The following ZIC5 variants were observed in gnomAD, a reference collection of about 807,000 sequenced individuals.
ZIC5 encodes the protein Zic family zinc finger 5.
In ZIC5, 20 loss-of-function variants were observed where a neutral mutation model predicts 28.5. That is an observed-to-expected ratio of 0.70 (90% CI 0.49 to 1.02). The LOEUF is 1.02. Among genes scored for constraint, ZIC5 ranks in the 50% least tolerant of loss-of-function variants. The probability of loss-of-function intolerance (pLI) is 0.00; values close to 1 mark genes in which losing one functional copy is unlikely to be tolerated. For synonymous variants in ZIC5, 488 were observed against 410.4 expected (o/e 1.19, Z -2.29); for missense variants, 951 against 899.7 (o/e 1.06, Z -0.73).
chr13:99,970,519 C>G lies in ZIC5; in HGVS notation c.1085G>C (p.Arg362Pro). Residue 362 changes from arginine (R) to proline (P), a missense_variant, in exon 1 of 2, where the codon CGC becomes CCC. By Grantham distance (103) the Arg-to-Pro change is moderately radical. Around this residue, in one of 3 missense-constraint regions of ZIC5, gnomAD observed 784 missense variants for 660.1 expected, o/e 1.19. Coordinates refer to ENST00000267294, the MANE Select transcript of ZIC5 (RefSeq NM_033132.5). ...CTGCTTGATTGGCTGCCGCATGTAG[C>G]GCAGGAAGGCCCCAGCCGCCCCTGG... ...HLPGAAGAFL[R>P]YMRQPIKQEL... The G allele has an allele frequency of 8.9e-7, 1 of 1,124,710 alleles. No homozygotes were observed. Among genetic ancestry groups the G allele is most frequent in the Non-Finnish European group, 1.1e-6 (1 of 911,714 alleles). 69.7% of individuals were successfully genotyped at this position (1,124,710 alleles called of 1,614,324 possible).
rs750836853 is a variant in ZIC5 at position 99,971,621 on chromosome 13, G to GC, written c.-19dup. 4.6e-5 allele frequency: 71 copies of GC among 1,560,320 alleles called. No individual in the cohort carries two copies. In the African/African-American group the frequency reaches 8.1e-4, roughly 18 times the overall value. ...GGCTCCATCAGAACTACACAATCAGGCCCATAGACCCTCACTGGGGGGACT... is the reference window on the plus strand; with the variant it reads ...GGCTCCATCAGAACTACACAATCAGGCCCCATAGACCCTCACTGGGGGGACT... On this transcript the variant is annotated 5_prime_UTR_variant, in exon 1 of 2. The change creates a premature stop within an existing upstream ORF in the 5' untranslated region. Coordinates refer to ENST00000267294, the MANE Select transcript of ZIC5 (RefSeq NM_033132.5).
Position 99,963,756 on chromosome 13 carries a change from G to T in ZIC5, c.*1621C>A, listed in dbSNP as rs1181619877. 7.5e-6 allele frequency: 1 copy of T among 133,582 alleles called. No homozygotes were observed. 8.3% of individuals were successfully genotyped at this position (133,582 alleles called of 1,614,324 possible). A position where few individuals can be genotyped will look rare whatever the true frequency, so the allele number is the denominator to read the frequency against. ...TTTGGTGTGCTTTGAACTCTTCCAG[G>T]AAAGAAAAAAAAAAAGGATGATGTC... On this transcript the variant is annotated 3_prime_UTR_variant, in exon 2 of 2. Transcript: ENST00000267294.
Position 99,965,446 on chromosome 13 carries a change from G to A in ZIC5, c.1851C>T (p.Asn617=), listed in dbSNP as rs764248704. The A allele has an allele frequency of 2.4e-5, 39 of 1,614,006 alleles. 1 individual carries two copies. The highest frequency in any genetic ancestry group is 1.2e-4 in the South Asian group (11 of 91,082). The change falls in exon 2 of 2, where the codon AAC becomes AAT. Residue 617 remains asparagine (N), a synonymous_variant. Transcript: ENST00000267294. ...APSHLHTPSS[N]GTTSETEDEE... ...CATCTTCAGTCTCAGAGGTGGTTCC[G>A]TTGCTGGAAGGGGTGTGGAGGTGGC...
chr13:99,966,019 G>A (rs748543302), intron 1 of ZIC5, among the ~76,000 whole-genome samples, 200 bp from the exon 2 acceptor site: 1 of 152,172 alleles, frequency 6.6e-6, no homozygotes, highest in Non-Finnish European at 1.5e-5. Flanking sequence ...GCTTTGCCTG[G>A]ACCTGGGCTC....
At position 99,971,181 on chromosome 13, in the gene ZIC5, G is replaced by C. The variant is rs769954251; in HGVS notation, c.423C>G (p.Pro141=). 2 of 1,342,446 alleles carry C rather than the reference G, an allele frequency of 1.5e-6. No individual in the cohort carries two copies. Among genetic ancestry groups the C allele is most frequent in the Non-Finnish European group, 1.9e-6 (2 of 1,051,814 alleles). 83.2% of individuals were successfully genotyped at this position (1,342,446 alleles called of 1,614,324 possible). ...PPLPPTPSPP[P]PPPPPPPPAL... The stretch of plus-strand genomic sequence containing the variant: ...CAGGAGGAGGAGGAGGCGGGGGAGG[G>C]GGAGGGGGTGAAGGGGTGGGAGGAA... Residue 141 remains proline (P), a synonymous_variant, in exon 1 of 2, where the codon CCC becomes CCG. Transcript: ENST00000267294.
Position 99,963,549 on chromosome 13 carries a change from A to T in ZIC5, c.*1828T>A, listed in dbSNP as rs1342200406. ...TGTACTAGTAATATAATATATCTAT[A>T]AACTATATATAATCTTATCAACACA... On this transcript the variant is annotated 3_prime_UTR_variant, in exon 2 of 2. Transcript: ENST00000267294. 1 of 152,562 alleles carries T rather than the reference A, an allele frequency of 6.6e-6. No individual in the cohort carries two copies. The highest frequency in any genetic ancestry group is 2.4e-5 in the African/African-American group (1 of 41,434). The allele number at this position is 152,562 out of a possible 1,614,324, so 9.5% of individuals were successfully genotyped here. A position where few individuals can be genotyped will look rare whatever the true frequency, so the allele number is the denominator to read the frequency against.
chr13:99,970,020 GA>G (rs1228926217), intron 1 of ZIC5, 106 bp downstream of exon 1: 3 of 1,540,230 alleles, frequency 1.9e-6, no homozygotes, highest in Non-Finnish European at 1.8e-6. Context: ...AGCAGAAGGA[GA>G]AAAAAATTAA....
chr13:99,970,728 A>G lies in ZIC5; in HGVS notation c.876T>C (p.Val292=). 1 of 1,197,676 alleles carries G rather than the reference A, an allele frequency of 8.3e-7. No homozygotes were observed. The highest frequency in any genetic ancestry group is 1.0e-6 in the Non-Finnish European group (1 of 963,006). The allele number at this position is 1,197,676 out of a possible 1,614,324, so 74.2% of individuals were successfully genotyped here. ...PRSGDAHYGA[V]AAAAAAALHG... is the part of the protein sequence containing the mutation. ...GCAGGGCGGCCGCCGCTGCGGCCGCAACCGCCCCGTAGTGCGCGTCCCCAG... is the reference window on the plus strand; with the variant it reads ...GCAGGGCGGCCGCCGCTGCGGCCGCGACCGCCCCGTAGTGCGCGTCCCCAG... Residue 292 remains valine (V), a synonymous_variant, in exon 1 of 2, where the codon GTT becomes GTC. Transcript: ENST00000267294.
chr13:99,965,903 G>T, intron 1 of ZIC5, 84 bp from the exon 2 acceptor site: 1 of 1,417,958 alleles, frequency 7.1e-7, no homozygotes, highest in Non-Finnish European at 9.5e-7. Context: ...CCAAGGTTGT[G>T]TTTTTCCTAT....
Position 99,970,308 on chromosome 13 carries a change from G to A in ZIC5, c.1296C>T (p.Ser432=), listed in dbSNP as rs765819809. 6 of 1,613,522 alleles carry A rather than the reference G, an allele frequency of 3.7e-6. No individual in the cohort carries two copies. Among genetic ancestry groups the A allele is most frequent in the Non-Finnish European group, 5.1e-6 (6 of 1,179,758 alleles). Residue 432 remains serine (S), a synonymous_variant, in exon 1 of 2, where the codon AGC becomes AGT. Transcript: ENST00000267294. ...TVEHVGGPEQ[S]SHVCFWEDCP... ...AGTCCTCCCAGAAGCAGACGTGGCT[G>A]CTCTGCTCGGGGCCTCCCACGTGCT...
At position 99,970,999 on chromosome 13, in the gene ZIC5, C is replaced by G; in HGVS notation, c.605G>C (p.Gly202Ala). 3 of 1,406,230 alleles carry G rather than the reference C, an allele frequency of 2.1e-6. No individual in the cohort carries two copies. 87.1% of individuals were successfully genotyped at this position (1,406,230 alleles called of 1,614,324 possible). A position where few individuals can be genotyped will look rare whatever the true frequency, so the allele number is the denominator to read the frequency against. The change falls in exon 1 of 2, where the codon GGC becomes GCC. Residue 202 changes from glycine (G) to alanine (A), a missense_variant. Gly to Ala is a moderately conservative substitution (Grantham distance 60). This residue lies in a region of ZIC5 where 784 missense variants were observed against 660.1 expected (regional missense o/e 1.19). Transcript: ENST00000267294. The part of the protein sequence containing the change: ...PLGGEQRSGT[G>A]SPQHPAPPPH... ...AGGCGGGGCCGGGTGCTGGGGGGAGCCGGTGCCGGACCGCTGCTCCCCTCC... is the reference window on the plus strand; with the variant it reads ...AGGCGGGGCCGGGTGCTGGGGGGAGGCGGTGCCGGACCGCTGCTCCCCTCC...
rs1263443033 is a variant in ZIC5 at position 99,971,683 on chromosome 13, T to A, written c.-80A>T. 1.3e-6 allele frequency: 2 copies of A among 1,552,680 alleles called. No homozygotes were observed. Among genetic ancestry groups the A allele is most frequent in the Non-Finnish European group, 1.7e-6 (2 of 1,147,640 alleles). ...GCCCGCCTTCAAAAACATGTATGTA[T>A]TGGGCGCTCTTTAACTTCTTTTGTC... On this transcript the variant is annotated 5_prime_UTR_variant, in exon 1 of 2. Transcript: ENST00000267294.
chr13:99,971,323 G>A lies in ZIC5; in HGVS notation c.281C>T (p.Pro94Leu), dbSNP rs1336062005. 47 of 1,375,354 alleles carry A rather than the reference G, an allele frequency of 3.4e-5. No individual in the cohort carries two copies. Among genetic ancestry groups the A allele is most frequent in the Non-Finnish European group, 4.2e-5 (45 of 1,075,374 alleles). The allele number at this position is 1,375,354 out of a possible 1,614,324, so 85.2% of individuals were successfully genotyped here. The change falls in exon 1 of 2, where the codon CCG (proline) becomes CTG (leucine). Residue 94 changes from proline to leucine, a missense_variant. By Grantham distance (98) the Pro-to-Leu change is moderately conservative. Around this residue, in one of 3 missense-constraint regions of ZIC5, gnomAD observed 784 missense variants for 660.1 expected, o/e 1.19. Transcript: ENST00000267294. Reference protein sequence around the residue: ...SQAFPAHPEAPAAAARAAALV... With the variant: ...SQAFPAHPEALAAAARAAALV... Reference sequence around the variant, plus strand: ...GGCTGCAGCACGGGCGGCGGCTGCCGGAGCCTCCGGGTGTGCCGGGAACGC... The same window carrying A: ...GGCTGCAGCACGGGCGGCGGCTGCCAGAGCCTCCGGGTGTGCCGGGAACGC...
In ZIC5 at chr13:99,970,751, C is replaced by A; in HGVS notation, c.853G>T (p.Gly285Trp). 2 of 1,185,948 alleles carry A rather than the reference C, an allele frequency of 1.7e-6. No homozygotes were observed. Among genetic ancestry groups the A allele is most frequent in the South Asian group, 5.8e-5 (2 of 34,400 alleles). The allele number at this position is 1,185,948 out of a possible 1,614,324, so 73.5% of individuals were successfully genotyped here. A position where few individuals can be genotyped will look rare whatever the true frequency, so the allele number is the denominator to read the frequency against. Residue 285 changes from glycine (G) to tryptophan (W), a missense_variant, in exon 1 of 2, where the codon GGG becomes TGG. This residue lies in a region of ZIC5 where 784 missense variants were observed against 660.1 expected (regional missense o/e 1.19). Transcript: ENST00000267294. The stretch of plus-strand genomic sequence containing the variant: ...GCAACCGCCCCGTAGTGCGCGTCCC[C>A]AGAGCGCGGCGCGAAGGGCGGTTCG... ...RAEPPFAPRSGDAHYGAVAAA... is the reference protein window; with the variant it reads ...RAEPPFAPRSWDAHYGAVAAA...
rs1434932644 is a variant in ZIC5, at chr13:99,970,641, G to C, written c.963C>G (p.Ala321=). ...GGTGCTGCAGGTGGGGCCCGGGCCC[G>C]GCCGCTGCTGCGGCCGCCGCAGCCG... ...NLAAAAAAAA[A]GPGPHLQHHA... is the part of the protein sequence containing the mutation. The change falls in exon 1 of 2, where the codon GCC becomes GCG. Residue 321 remains alanine, a synonymous_variant. Coordinates refer to ENST00000267294, the MANE Select transcript of ZIC5 (RefSeq NM_033132.5). 2.7e-6 allele frequency: 3 copies of C among 1,123,234 alleles called. No individual in the cohort carries two copies. The highest frequency in any genetic ancestry group is 7.6e-5 in the East Asian group (1 of 13,118). The allele number at this position is 1,123,234 out of a possible 1,614,324, so 69.6% of individuals were successfully genotyped here.
chr13:99,971,163 A>AGGAGGAGGC lies in ZIC5; in HGVS notation c.432_440dup (p.Pro147_Pro149dup). 1 of 981,460 alleles carries AGGAGGAGGC rather than the reference A, an allele frequency of 1.0e-6. No individual in the cohort carries two copies. 60.8% of individuals were successfully genotyped at this position (981,460 alleles called of 1,614,324 possible). ...TGGTGTAGCCCGAGAGGGCAGGAGG[A>AGGAGGAGGC]GGAGGAGGCGGGGGAGGGGGAGGGG... On this transcript the variant is annotated inframe_insertion, in exon 1 of 2. Transcript: ENST00000267294.
rs2053149334 is a variant in ZIC5, at chr13:99,970,815, C to T, written c.789G>A (p.Ala263=). 1 of 1,213,248 alleles carries T rather than the reference C, an allele frequency of 8.2e-7. No homozygotes were observed. Among genetic ancestry groups the T allele is most frequent in the Non-Finnish European group, 1.0e-6 (1 of 980,346 alleles). 75.2% of individuals were successfully genotyped at this position (1,213,248 alleles called of 1,614,324 possible). Residue 263 remains alanine (A), a synonymous_variant, in exon 1 of 2, where the codon GCG becomes GCA. Coordinates refer to ENST00000267294, the MANE Select transcript of ZIC5 (RefSeq NM_033132.5). ...GCTCAGCCGCCGCGGCTGCCGCTGCCGCCGCCAGCCCCAGGCGCATCTGGC... is the reference window on the plus strand; with the variant it reads ...GCTCAGCCGCCGCGGCTGCCGCTGCTGCCGCCAGCCCCAGGCGCATCTGGC... ...LNGQMRLGLA[A]AAAAAAAELY...
chr13:99,964,469 C>A lies in ZIC5; in HGVS notation c.*908G>T. The A allele has an allele frequency of 6.9e-6, 1 of 144,698 alleles. No individual in the cohort carries two copies. Among genetic ancestry groups the A allele is most frequent in the Admixed American group, 6.9e-5 (1 of 14,528 alleles). 9.0% of individuals were successfully genotyped at this position (144,698 alleles called of 1,614,324 possible). A position where few individuals can be genotyped will look rare whatever the true frequency, so the allele number is the denominator to read the frequency against. On this transcript the variant is annotated 3_prime_UTR_variant, in exon 2 of 2. Coordinates refer to ENST00000267294, the MANE Select transcript of ZIC5 (RefSeq NM_033132.5). ...AAGAAGTTTGGACACAGTTAGGAGG[C>A]AGTATCTGAGAATTCAGATAAAAAA... is the stretch of plus-strand genomic sequence containing the variant.
At position 99,970,856 on chromosome 13, in the gene ZIC5, G is replaced by T; in HGVS notation, c.748C>A (p.Pro250Thr). Residue 250 changes from proline to threonine, a missense_variant, in exon 1 of 2, where the codon CCG (proline) becomes ACG (threonine). This residue lies in a region of ZIC5 where 784 missense variants were observed against 660.1 expected (regional missense o/e 1.19). Coordinates refer to ENST00000267294, the MANE Select transcript of ZIC5 (RefSeq NM_033132.5). The stretch of plus-strand genomic sequence containing the variant: ...CGCATCTGGCCGTTGAGCGGGTGCG[G>T]GTGGCCGCCTGGGGCCCCCGGCGTG... ...HDTPGAPGGH[P>T]HPLNGQMRLG... 7.9e-7 allele frequency: 1 copy of T among 1,258,672 alleles called. No individual in the cohort carries two copies. The highest frequency in any genetic ancestry group is 9.9e-7 in the Non-Finnish European group (1 of 1,009,538). The allele number at this position is 1,258,672 out of a possible 1,614,324, so 78.0% of individuals were successfully genotyped here.
Sources: gnomAD v4.1 joint callset for allele counts (sites outside exome capture counted in the v4.1 genomes callset) on GRCh38, gnomAD v4.1.1 for gene constraint, gnomAD v4.1.1 regional missense constraint, MANE v1.5 for transcripts, NCBI Gene and HGNC (gene_info 2026-07-23, HGNC 2026-07-21) for gene names.